Variants in PLPP5 observed in about 807,000 individuals in gnomAD.
The protein encoded by PLPP5 is phospholipid phosphatase 5.
PLPP5 carries 29 observed loss-of-function variants against 23.6 expected under a neutral mutation model. The ratio of observed to expected loss-of-function variants is 1.23; its 90% confidence interval spans 0.92 to 1.68. The LOEUF is 1.68. PLPP5 is among the 40% of genes most tolerant of loss of function. The probability of loss-of-function intolerance (pLI) is 0.00; values close to 1 mark genes in which losing one functional copy is unlikely to be tolerated. For synonymous variants in PLPP5, 143 were observed against 131.3 expected, an observed-to-expected ratio of 1.09 and a Z score of -0.61; for missense variants, 315 against 332.1, an observed-to-expected ratio of 0.95 and a Z score of 0.40.
rs780984015 is a variant in PLPP5 at position 38,269,011 on chromosome 8, G to C, written c.75-21C>G. On this transcript the variant is annotated intron_variant, in intron 1 of 6. Transcript: ENST00000424479. ...TCACCCTAGAGGGGAACAAAGAAGC[G>C]CAGAGCAGGTCGCCTGGCTTCCTCC... 273 of 1,562,652 alleles carry C rather than the reference G, an allele frequency of 1.7e-4. 3 individuals are homozygous for C. The East Asian group carries it at 6.6e-3, about 38-fold the overall frequency.
intron 2 of PLPP5, 50 bp from the exon 3 acceptor site, chr8:38,268,511 CGTGCT>C: frequency 3.2e-6 from 5 of 1,544,210 alleles, no homozygotes; most frequent in Non-Finnish European, 4.4e-6. Context: ...AAGCCACACT[CGTGCT>C]CCTACAGGAA....
At chr8:38,267,769 AAAG>A in intron 4 of PLPP5, 125 bp downstream of exon 4, 1 of 1,021,236 alleles carries the variant, frequency 9.8e-7, no homozygotes, top group South Asian at 1.5e-5. Flanking sequence ...TTGAATGACA[AAAG>A]AAAAATCAGA....
At chr8:38,267,511 G>GTAAC in intron 4 of PLPP5, 120 bp from the exon 5 acceptor site, 1 of 1,224,930 alleles carries the variant, frequency 8.2e-7, no homozygotes, top group Non-Finnish European at 1.1e-6. Context: ...GCAAAATAAG[G>GTAAC]TAACTGGCTT....
Position 38,263,902 on chromosome 8 carries a change from T to G in PLPP5, c.*542A>C, listed in dbSNP as rs557448600. 2 of 985,344 alleles carry G rather than the reference T, an allele frequency of 2.0e-6. No individual in the cohort carries two copies. The highest frequency in any genetic ancestry group is 3.5e-5 in the African/African-American group (2 of 57,358). The allele number at this position is 985,344 out of a possible 1,614,324, so 61.0% of individuals were successfully genotyped here. A position where few individuals can be genotyped will look rare whatever the true frequency, so the allele number is the denominator to read the frequency against. ...CAGATATTAATCTGATAGACCAGAT[T>G]CATAAGGTGTTGGACACCTTTGAAA... On this transcript the variant is annotated 3_prime_UTR_variant, in exon 7 of 7. Coordinates refer to ENST00000424479, the MANE Select transcript of PLPP5 (RefSeq NM_001102559.2).
At position 38,263,702 on chromosome 8, in the gene PLPP5, G is replaced by A. The variant is rs1352652433; in HGVS notation, c.*742C>T. 8.1e-6 allele frequency: 8 copies of A among 985,120 alleles called. No individual in the cohort carries two copies. The highest frequency in any genetic ancestry group is 9.6e-6 in the Non-Finnish European group (8 of 829,784). 61.0% of individuals were successfully genotyped at this position (985,120 alleles called of 1,614,324 possible). On this transcript the variant is annotated 3_prime_UTR_variant, in exon 7 of 7. Transcript: ENST00000424479. ...ATCAGAGAAGGTAAACAGAATCAAA[G>A]TAATTTAGTTGGCCATGCCCTAGAT...
At position 38,269,177 on chromosome 8, in the gene PLPP5, ACCGCCG is replaced by A; in HGVS notation, c.17_22del (p.Ala6_Ala7del). 1 of 1,505,046 alleles carries A rather than the reference ACCGCCG, an allele frequency of 6.6e-7. No homozygotes were observed. Among genetic ancestry groups the A allele is most frequent in the Non-Finnish European group, 8.8e-7 (1 of 1,134,804 alleles). 93.2% of individuals were successfully genotyped at this position (1,505,046 alleles called of 1,614,324 possible). A position where few individuals can be genotyped will look rare whatever the true frequency, so the allele number is the denominator to read the frequency against. ...CACGCCCACTTCGGCCCCAAAGGCC[ACCGCCG>A]CCGCCGCCTTCCCCATCCGGCCGCG... On this transcript the variant is annotated inframe_deletion, in exon 1 of 7. Coordinates refer to ENST00000424479, the MANE Select transcript of PLPP5 (RefSeq NM_001102559.2).
chr8:38,269,041 T>C, intron 1 of PLPP5, 51 bp from the exon 2 acceptor site: 1 of 1,531,084 alleles, frequency 6.5e-7, no homozygotes, highest in Non-Finnish European at 8.8e-7. Flanking sequence ...TCCTCCCCGC[T>C]TCCCCACTGC....
At chr8:38,266,826 G>C (rs934245955) in intron 5 of PLPP5, among the ~76,000 whole-genome samples, 8 of 152,054 alleles carry the variant, frequency 5.3e-5, no homozygotes, top group African/African-American at 1.9e-4. Context: ...TATAGTTTTC[G>C]GTATACTAGC....
At chr8:38,266,934 T>A in intron 5 of PLPP5, 1 of 689,200 alleles carries the variant, frequency 1.5e-6, no homozygotes, top group Non-Finnish European at 2.0e-6. Context: ...TGAGCTATAA[T>A]TAGGTAAGAA....
intron 5 of PLPP5, chr8:38,267,055 A>G: frequency 5.6e-6 from 8 of 1,423,090 alleles, no homozygotes; most frequent in Non-Finnish European, 6.4e-6. Context: ...TAAATGTGCA[A>G]ATCTCATGAA....
At position 38,267,787 on chromosome 8, in the gene PLPP5, A is replaced by AGAT. The variant is rs1240633436; in HGVS notation, c.338+107_338+109dup. On this transcript the variant is annotated intron_variant, in intron 4 of 6. Transcript: ENST00000424479. The stretch of plus-strand genomic sequence containing the variant: ...AATGACAAAAGAAAAATCAGAGTGA[A>AGAT]GATAAAGGAGAAAAGAATGAGAAAG... 4.2e-5 allele frequency: 47 copies of AGAT among 1,122,504 alleles called. No individual in the cohort carries two copies. In the Admixed American group the frequency reaches 9.1e-4, roughly 22 times the overall value. The allele number at this position is 1,122,504 out of a possible 1,614,324, so 69.5% of individuals were successfully genotyped here. A position where few individuals can be genotyped will look rare whatever the true frequency, so the allele number is the denominator to read the frequency against.
At chr8:38,266,045 T>A in intron 6 of PLPP5, 96 bp downstream of exon 6, 1 of 1,143,482 alleles carries the variant, frequency 8.7e-7, no homozygotes. Context: ...AATTTGTTCA[T>A]TCAGCAGATA....
At chr8:38,268,593 G>A in intron 2 of PLPP5, 132 bp from the exon 3 acceptor site, 1 of 1,452,248 alleles carries the variant, frequency 6.9e-7, no homozygotes. Context: ...GTAACCGGGC[G>A]CCAGGCAGCG....
intron 6 of PLPP5, chr8:38,265,462 T>C (rs1258095723): frequency 6.6e-6 from 1 of 151,940 alleles, no homozygotes; most frequent in Non-Finnish European, 1.5e-5. Context: ...CCCAGCTGAT[T>C]TTGTATTTTT....
chr8:38,264,324 T>C lies in PLPP5; in HGVS notation c.*120A>G. 1 of 831,868 alleles carries C rather than the reference T, an allele frequency of 1.2e-6. No individual in the cohort carries two copies. The allele number at this position is 831,868 out of a possible 1,614,324, so 51.5% of individuals were successfully genotyped here. A position where few individuals can be genotyped will look rare whatever the true frequency, so the allele number is the denominator to read the frequency against. On this transcript the variant is annotated 3_prime_UTR_variant, in exon 7 of 7. Coordinates refer to ENST00000424479, the MANE Select transcript of PLPP5 (RefSeq NM_001102559.2). ...TCCTGGCTAATTTTTGTATTTTTAG[T>C]AGAGACAGGGTTCACCATGTTGGCC...
chr8:38,267,808 G>C, intron 4 of PLPP5, 89 bp downstream of exon 4: 1 of 1,290,536 alleles, frequency 7.7e-7, no homozygotes, highest in South Asian at 1.2e-5. Flanking sequence ...AAAAGAATGA[G>C]AAAGACGTGT....
chr8:38,267,002 T>A, intron 5 of PLPP5: 1 of 1,343,890 alleles, frequency 7.4e-7, no homozygotes, highest in South Asian at 1.8e-5. Flanking sequence ...GTATTTTTAT[T>A]GCTAGTACAA....
Position 38,268,998 on chromosome 8 carries a change from G to A in PLPP5, c.75-8C>T. The A allele has an allele frequency of 1.9e-6, 3 of 1,575,204 alleles. No individual in the cohort carries two copies. Among genetic ancestry groups the A allele is most frequent in the Non-Finnish European group, 2.6e-6 (3 of 1,165,096 alleles). On this transcript the variant is annotated splice_polypyrimidine_tract_variant and splice_region_variant and intron_variant, in intron 1 of 6. Coordinates refer to ENST00000424479, the MANE Select transcript of PLPP5 (RefSeq NM_001102559.2). ...GGGAGCAGCTCCGTCACCCTAGAGGGGAACAAAGAAGCGCAGAGCAGGTCG... is the reference window on the plus strand; with the variant it reads ...GGGAGCAGCTCCGTCACCCTAGAGGAGAACAAAGAAGCGCAGAGCAGGTCG...
At chr8:38,264,994 C>G (rs777555810) in intron 6 of PLPP5, 1 of 1,307,396 alleles carries the variant, frequency 7.6e-7, no homozygotes, top group South Asian at 1.2e-5. Flanking sequence ...TCTCGCCGGG[C>G]ACGGTGACTC....
Sources: gnomAD v4.1 joint callset for allele counts (sites outside exome capture counted in the v4.1 genomes callset) on GRCh38, gnomAD v4.1.1 for gene constraint, MANE v1.5 for transcripts, NCBI Gene and HGNC (gene_info 2026-07-23, HGNC 2026-07-21) for gene names.